Variants in ANO10 observed in about 807,000 individuals in gnomAD.
The protein encoded by ANO10 is anoctamin-10.
A neutral mutation model predicts 74.7 loss-of-function variants in ANO10; 77 were observed. The ratio of observed to expected loss-of-function variants is 1.03; its 90% CI spans 0.86 to 1.25. The LOEUF (loss-of-function observed/expected upper bound fraction) is 1.25, where lower values mean the gene tolerates loss of function less well. Ranked by LOEUF, ANO10 falls within the 50% of genes most tolerant of loss-of-function variation. ANO10 has a pLI of 0.00. For synonymous variants in ANO10, 279 were observed against 284.9 expected, an observed-to-expected ratio of 0.98 and a Z score of 0.21; for missense variants, 721 against 778.1, an observed-to-expected ratio of 0.93 and a Z score of 0.87.
intron 10 of ANO10, among the ~76,000 whole-genome samples, chr3:43,550,370 T>A (rs377669243): frequency 9.2e-5 from 14 of 152,256 alleles, no homozygotes; most frequent in African/African-American, 3.4e-4. Flanking sequence ...TTTAGAAAAA[T>A]ATAGATGCTA....
intron 11 of ANO10, among the ~76,000 whole-genome samples, chr3:43,513,302 G>C (rs1384591547): frequency 2.0e-5 from 3 of 152,136 alleles, no homozygotes; most frequent in African/African-American, 7.2e-5. Flanking sequence ...GATTACGAAG[G>C]AGGAGAAAAA....
chr3:43,368,701 T>TC (rs1419351097), intron 12 of ANO10, among the ~76,000 whole-genome samples: 3 of 151,882 alleles, frequency 2.0e-5, no homozygotes, highest in Non-Finnish European at 2.9e-5. Flanking sequence ...TTTTTTTTTT[T>TC]CAAGAGCCAG....
chr3:43,545,596 C>A (rs906742525), intron 11 of ANO10, among the ~76,000 whole-genome samples: 1 of 152,116 alleles, frequency 6.6e-6, no homozygotes, highest in Non-Finnish European at 1.5e-5. Flanking sequence ...GAACTCCTGA[C>A]CTCAGGTGAT....
intron 11 of ANO10, among the ~76,000 whole-genome samples, chr3:43,473,727 G>A (rs2075957485): frequency 6.6e-6 from 1 of 152,152 alleles, no homozygotes; most frequent in African/African-American, 2.4e-5. Flanking sequence ...TTTGTTGTGG[G>A]GAGCTGCCCT....
chr3:43,486,547 G>A (rs2076497626), intron 11 of ANO10, among the ~76,000 whole-genome samples: 1 of 148,446 alleles, frequency 6.7e-6, no homozygotes, highest in African/African-American at 2.5e-5. Context: ...GGATTCCTAG[G>A]TATTTTATTC....
chr3:43,481,130 T>A (rs1576008143), intron 11 of ANO10, among the ~76,000 whole-genome samples: 1 of 150,996 alleles, frequency 6.6e-6, no homozygotes, highest in Non-Finnish European at 1.5e-5. Flanking sequence ...GACATAGTAT[T>A]TAGAAATATA....
chr3:43,639,590 C>T (rs2083650715), intron 1 of ANO10, among the ~76,000 whole-genome samples: 1 of 152,036 alleles, frequency 6.6e-6, no homozygotes, highest in Admixed American at 6.5e-5. Context: ...TAGTGAAACT[C>T]CGTCTCTACT....
chr3:43,542,877 C>T (rs1433822824), intron 11 of ANO10, among the ~76,000 whole-genome samples: 1 of 152,244 alleles, frequency 6.6e-6, no homozygotes, highest in Non-Finnish European at 1.5e-5. Context: ...ACAACCTCAT[C>T]TATGCCTCGC....
At chr3:43,371,472 C>G (rs1247336841) in intron 12 of ANO10, among the ~76,000 whole-genome samples, 1 of 152,190 alleles carries the variant, frequency 6.6e-6, no homozygotes, top group East Asian at 1.9e-4. Flanking sequence ...GACCCAAAGT[C>G]TGATTTAATG....
rs1348809046 is a variant in ANO10, at chr3:43,486,907, T to G, written c.1798-54180A>C. Among the ~76,000 whole-genome samples, 31 of 137,920 alleles carry G rather than the reference T, an allele frequency of 2.2e-4. No individual in the cohort carries two copies. The East Asian group carries it at 5.7e-3, about 26-fold the overall frequency. 90.5% of individuals were successfully genotyped at this position (137,920 alleles called of 152,430 possible). A position where few individuals can be genotyped will look rare whatever the true frequency, so the allele number is the denominator to read the frequency against. On this transcript the variant is annotated intron_variant, in intron 11 of 12. Transcript: ENST00000292246. ...AGTTTTCAAAGGGAATGCTTCCAGTTTTTGCCCATTCAGTATGATATTGGC... is the reference window on the plus strand; with the variant it reads ...AGTTTTCAAAGGGAATGCTTCCAGTGTTTGCCCATTCAGTATGATATTGGC...
At chr3:43,666,854 T>A (rs140926648) in intron 1 of ANO10, among the ~76,000 whole-genome samples, 211 of 152,198 alleles carry the variant, frequency 1.4e-3, no homozygotes, top group African/African-American at 4.9e-3. Flanking sequence ...GAATGGCAAA[T>A]CATCACATTG....
intron 5 of ANO10, among the ~76,000 whole-genome samples, chr3:43,578,817 G>A (rs569308617): frequency 2.0e-5 from 3 of 146,640 alleles, no homozygotes; most frequent in African/African-American, 7.5e-5. Flanking sequence ...AGTCCTAGAG[G>A]CAATATTCAA....
chr3:43,583,413 G>A (rs2081345919), intron 4 of ANO10, among the ~76,000 whole-genome samples: 2 of 152,104 alleles, frequency 1.3e-5, no homozygotes, highest in Non-Finnish European at 2.9e-5. Flanking sequence ...AAGTACTGGG[G>A]ATATGGCTGT....
chr3:43,477,885 C>T (rs554159539), intron 11 of ANO10, among the ~76,000 whole-genome samples: 3 of 152,268 alleles, frequency 2.0e-5, no homozygotes, highest in South Asian at 4.1e-4. Flanking sequence ...GGCAGGGGCC[C>T]GCCAACCTGC....
chr3:43,407,421 AAT>A, intron 12 of ANO10, among the ~76,000 whole-genome samples: 1 of 152,088 alleles, frequency 6.6e-6, no homozygotes, highest in East Asian at 1.9e-4. Flanking sequence ...ACTAACCCCA[AAT>A]ATGTTTCTCT....
At chr3:43,591,613 C>T (rs1454433149) in intron 4 of ANO10, among the ~76,000 whole-genome samples, 1 of 152,098 alleles carries the variant, frequency 6.6e-6, no homozygotes, top group Admixed American at 6.6e-5. Flanking sequence ...AAAAGTAAAC[C>T]ATGAGAGGTT....
intron 1 of ANO10, 104 bp from the exon 2 acceptor site, chr3:43,605,967 A>G: frequency 7.7e-7 from 1 of 1,306,814 alleles, no homozygotes; most frequent in South Asian, 1.3e-5. Context: ...TCTGGCTTCC[A>G]AGATAAAAGC....
At chr3:43,401,521 A>G (rs1426972108) in intron 12 of ANO10, among the ~76,000 whole-genome samples, 1 of 152,220 alleles carries the variant, frequency 6.6e-6, no homozygotes, top group Non-Finnish European at 1.5e-5. Flanking sequence ...AGCTGCTTAC[A>G]CACAGTTTTA....
In ANO10 at chr3:43,483,840, A is replaced by G. The variant is rs2076363675; in HGVS notation, c.1798-51113T>C. Among the ~76,000 whole-genome samples, 3 of 152,232 alleles carry G rather than the reference A, an allele frequency of 2.0e-5. 1 individual carries two copies. The highest frequency in any genetic ancestry group is 1.3e-4 in the Admixed American group (2 of 15,286). The stretch of plus-strand genomic sequence containing the variant: ...GCTTACAGGTCATAGGTGGATTCCA[A>G]CATTTTCTGATTAGCAATTGGTTGA... On this transcript the variant is annotated intron_variant, in intron 11 of 12. Coordinates refer to ENST00000292246, the MANE Select transcript of ANO10 (RefSeq NM_018075.5).
Sources: gnomAD v4.1 joint callset for allele counts (sites outside exome capture counted in the v4.1 genomes callset) on GRCh38, gnomAD v4.1.1 for gene constraint, MANE v1.5 for transcripts, NCBI Gene and HGNC (gene_info 2026-07-23, HGNC 2026-07-21) for gene names.